The following TEX36 variants were observed in gnomAD, a reference collection of about 807,000 sequenced individuals.
The protein encoded by TEX36 is testis-expressed protein 36.
TEX36 carries 12 observed loss-of-function variants against 13.6 expected under a neutral mutation model. The observed-to-expected ratio is 0.88, with a 90% CI of 0.56 to 1.43. The LOEUF (loss-of-function observed/expected upper bound fraction) is 1.43. Among genes scored for constraint, TEX36 ranks in the 40% most tolerant of loss-of-function variants. TEX36 has a pLI of 0.00. For missense variants in TEX36, 224 were observed against 228.3 expected (o/e 0.98, Z 0.12); for synonymous variants, 93 against 83.0 (o/e 1.12, Z -0.65).
At chr10:125,666,965 G>A in intron 1 of TEX36, 1 of 1,014,816 alleles carries the variant, frequency 9.9e-7, no homozygotes, top group Non-Finnish European at 1.4e-6. Flanking sequence ...AGGCCAGGCT[G>A]TTGGCCACGG....
At chr10:125,594,032 G>A (rs926494741) in intron 3 of TEX36, among the ~76,000 whole-genome samples, 13 of 152,324 alleles carry the variant, frequency 8.5e-5, no homozygotes, top group South Asian at 4.1e-4. Context: ...AGGCGAGCAC[G>A]CTGGCCTCTC....
intron 3 of TEX36, chr10:125,576,946 G>T (rs1428762651): frequency 6.6e-7 from 1 of 1,523,630 alleles, no homozygotes; most frequent in African/African-American, 1.4e-5. Flanking sequence ...AGCAATCAGA[G>T]AGGAAAGGGG....
intron 3 of TEX36, among the ~76,000 whole-genome samples, chr10:125,585,071 G>C (rs1303894079): frequency 7.9e-5 from 12 of 152,168 alleles, no homozygotes; most frequent in Admixed American, 7.9e-4. Flanking sequence ...CAAGCTCCGG[G>C]AAGAGACCTT....
chr10:125,601,482 A>G (rs1846145868), intron 3 of TEX36, among the ~76,000 whole-genome samples: 1 of 152,258 alleles, frequency 6.6e-6, no homozygotes, highest in Admixed American at 6.5e-5. Context: ...TAATTCAAGA[A>G]TTTGTAATTG....
At chr10:125,634,978 C>G (rs1684386515) in intron 3 of TEX36, among the ~76,000 whole-genome samples, 1 of 152,202 alleles carries the variant, frequency 6.6e-6, no homozygotes, top group South Asian at 2.1e-4. Flanking sequence ...GTAACATTTC[C>G]TCAGCTGGGG....
chr10:125,589,091 A>G (rs184136508), intron 3 of TEX36, among the ~76,000 whole-genome samples: 1 of 152,312 alleles, frequency 6.6e-6, no homozygotes, highest in Non-Finnish European at 1.5e-5. Context: ...ACAATATCAG[A>G]ATGATTTTCA....
At chr10:125,659,509 A>G (rs1275365409) in intron 3 of TEX36, among the ~76,000 whole-genome samples, 1 of 152,212 alleles carries the variant, frequency 6.6e-6, no homozygotes, top group African/African-American at 2.4e-5. Flanking sequence ...TTTAAAGGAC[A>G]TATGTTGCTT....
At chr10:125,662,487 C>A (rs963827045) in intron 1 of TEX36, among the ~76,000 whole-genome samples, 1 of 151,810 alleles carries the variant, frequency 6.6e-6, no homozygotes, top group South Asian at 2.1e-4. Context: ...GGGGAGGTAA[C>A]GTCTAGGAGG....
chr10:125,661,704 G>A lies in TEX36; in HGVS notation c.183+142C>T, dbSNP rs968552771. On this transcript the variant is annotated intron_variant, in intron 2 of 3. Transcript: ENST00000368821. ...GCAGAGCACCAGGGTATGGGGTGGG[G>A]ATACTACCAACCCTTAGGGGTCCAA... 1.7e-4 allele frequency: 185 copies of A among 1,078,602 alleles called. No homozygotes were observed. In the Middle Eastern group the frequency reaches 3.1e-3, roughly 18 times the overall value. The allele number at this position is 1,078,602 out of a possible 1,614,324, so 66.8% of individuals were successfully genotyped here. A position where few individuals can be genotyped will look rare whatever the true frequency, so the allele number is the denominator to read the frequency against.
chr10:125,613,669 C>T (rs1846320363), intron 3 of TEX36, among the ~76,000 whole-genome samples: 2 of 151,964 alleles, frequency 1.3e-5, no homozygotes, highest in South Asian at 4.2e-4. Flanking sequence ...TTTTCTTAAT[C>T]CAGTCTATCA....
intron 1 of TEX36, chr10:125,667,987 A>G: frequency 1.3e-6 from 1 of 794,332 alleles, no homozygotes; most frequent in Non-Finnish European, 2.2e-6. Flanking sequence ...CTTCAAAGGA[A>G]ATTTCTTCCT....
At chr10:125,585,175 C>T (rs1052737967) in intron 3 of TEX36, among the ~76,000 whole-genome samples, 1 of 152,184 alleles carries the variant, frequency 6.6e-6, no homozygotes, top group African/African-American at 2.4e-5. Flanking sequence ...TGCACAAAGA[C>T]ATAGCAGGTC....
rs867051539 is a variant in TEX36 at position 125,661,879 on chromosome 10, C to A, written c.150G>T (p.Gly50=). The A allele has an allele frequency of 6.4e-7, 1 of 1,552,012 alleles. No individual in the cohort carries two copies. The highest frequency in any genetic ancestry group is 8.7e-7 in the Non-Finnish European group (1 of 1,147,062). The change falls in exon 2 of 4, where the codon GGG becomes GGT. Residue 50 remains glycine (G), a synonymous_variant. Coordinates refer to ENST00000368821, the MANE Select transcript of TEX36 (RefSeq NM_001128202.3). Reference sequence around the variant, plus strand: ...GGACTTTGTATATGGGCGGCAGCTTCCCCTCCGCTTGCCGAGGCAAGTGTG... The same window carrying A: ...GGACTTTGTATATGGGCGGCAGCTTACCCTCCGCTTGCCGAGGCAAGTGTG... ...QSPHLPRQAE[G]KLPPIYKVRE... is the part of the protein sequence containing the mutation.
At chr10:125,641,164 T>G (rs192252129) in intron 3 of TEX36, among the ~76,000 whole-genome samples, 437 of 152,326 alleles carry the variant, frequency 2.9e-3, no homozygotes, top group Non-Finnish European at 5.2e-3. Context: ...GAATTAGCCA[T>G]GGCAGGAGAA....
intron 3 of TEX36, among the ~76,000 whole-genome samples, chr10:125,650,142 C>T (rs936543227): frequency 1.5e-4 from 23 of 152,190 alleles, no homozygotes; most frequent in Non-Finnish European, 2.5e-4. Flanking sequence ...CTGCACCAAG[C>T]AGACCTAATA....
rs139508545 is a variant in TEX36, at chr10:125,607,786, G to A, written c.265-30912C>T. 1.8e-4 allele frequency among the ~76,000 whole-genome samples: 28 copies of A among 152,098 alleles called. No homozygotes were observed. The East Asian group carries it at 5.4e-3, about 29-fold the overall frequency. On this transcript the variant is annotated intron_variant, in intron 3 of 3. Coordinates refer to the TEX36 transcript ENST00000532135. ...TGCTCAATAAATATTTACTGGGTAA[G>A]CAAATGACTGAGGCAATGAGCTGAA...
chr10:125,625,118 C>T (rs1244122884), intron 3 of TEX36, among the ~76,000 whole-genome samples: 3 of 152,350 alleles, frequency 2.0e-5, no homozygotes, highest in South Asian at 4.1e-4. Context: ...CTCCAGGTGG[C>T]CCCTGGCTCA....
chr10:125,587,262 G>A (rs1212025296), intron 3 of TEX36, among the ~76,000 whole-genome samples: 1 of 152,220 alleles, frequency 6.6e-6, no homozygotes, highest in Non-Finnish European at 1.5e-5. Flanking sequence ...GCTCAGGCAG[G>A]TGAGTTGCTT....
chr10:125,672,027 CTTT>C (rs1847240532), intron 1 of TEX36, among the ~76,000 whole-genome samples: 1 of 151,928 alleles, frequency 6.6e-6, no homozygotes, highest in South Asian at 2.1e-4. Context: ...CTCTTTTCTT[CTTT>C]ATTAGTCTAG....
Sources: gnomAD v4.1 joint callset for allele counts (sites outside exome capture counted in the v4.1 genomes callset) on GRCh38, gnomAD v4.1.1 for gene constraint, MANE v1.5 for transcripts, NCBI Gene and HGNC (gene_info 2026-07-23, HGNC 2026-07-21) for gene names.